ZNF655: variants seen among roughly 807,000 people sequenced by gnomAD.
The protein encoded by ZNF655 is Vav-interacting Kruppel-like protein 1.
In ZNF655, 3 loss-of-function variants were observed where a neutral mutation model predicts 6.6. That is an observed-to-expected ratio of 0.46 (90% CI 0.21 to 1.18). The LOEUF is 1.18. Ranked by LOEUF, ZNF655 falls within the 50% of genes most tolerant of loss-of-function variation. The pLI is 0.24. For synonymous variants in ZNF655, 178 were observed against 195.0 expected (o/e 0.91, Z 0.73); for missense variants, 526 against 572.3 (o/e 0.92, Z 0.83).
intron 2 of ZNF655, chr7:99,563,072 A>C (rs1487986712): frequency 2.9e-6 from 1 of 339,768 alleles, no homozygotes; most frequent in South Asian, 2.2e-5. Flanking sequence ...TCAGTGAGTC[A>C]CCCAGAATGG....
intron 2 of ZNF655, 139 bp downstream of exon 2, chr7:99,560,834 A>G: frequency 9.4e-7 from 1 of 1,063,036 alleles, no homozygotes; most frequent in Non-Finnish European, 1.3e-6. Context: ...AAGAGGGGGC[A>G]GATGTGACTC....
intron 2 of ZNF655, chr7:99,560,915 C>T (rs1291766207): frequency 9.6e-6 from 4 of 415,776 alleles, no homozygotes; most frequent in Admixed American, 4.4e-5. Flanking sequence ...GTGATGGCTG[C>T]TTACTCGCTG....
chr7:99,563,172 C>G (rs1562932681), intron 2 of ZNF655: 1 of 455,368 alleles, frequency 2.2e-6, no homozygotes. Flanking sequence ...ATGTCTCTCC[C>G]TTGTCATTTT....
At chr7:99,563,893 T>A (rs765233399) in intron 2 of ZNF655, 65 of 1,612,988 alleles carry the variant, frequency 4.0e-5, no homozygotes, top group Admixed American at 8.4e-5. Flanking sequence ...ACCACCCGGA[T>A]TCATAGTGTG....
At chr7:99,570,848 T>C (rs1270955703) in intron 2 of ZNF655, 3 of 153,238 alleles carry the variant, frequency 2.0e-5, no homozygotes, top group Non-Finnish European at 4.4e-5. Flanking sequence ...AACTGCCCTT[T>C]GATACTAATA....
chr7:99,572,696 C>G lies in ZNF655; in HGVS notation c.588C>G (p.Leu196=), dbSNP rs1322006015. 2.5e-6 allele frequency: 4 copies of G among 1,613,400 alleles called. No individual in the cohort carries two copies. The highest frequency in any genetic ancestry group is 3.4e-6 in the Non-Finnish European group (4 of 1,179,950). ...SSECKESLMD[L]SHLNKWESIP... is the part of the protein sequence containing the mutation. ...AATGTAAGGAAAGCTTAATGGATCT[C>G]TCCCACCTTAATAAATGGGAGAGCA... Residue 196 remains leucine (L), a synonymous_variant, in exon 3 of 3, where the codon CTC becomes CTG. Transcript: ENST00000252713.
At position 99,576,042 on chromosome 7, in the gene ZNF655, C is replaced by A. The variant is rs570483991; in HGVS notation, c.*2458C>A. The A allele has an allele frequency of 2.6e-5, 4 of 152,252 alleles. No homozygotes were observed. In the South Asian group the frequency reaches 8.3e-4, roughly 32 times the overall value. 9.4% of individuals were successfully genotyped at this position (152,252 alleles called of 1,614,324 possible). A position where few individuals can be genotyped will look rare whatever the true frequency, so the allele number is the denominator to read the frequency against. On this transcript the variant is annotated 3_prime_UTR_variant, in exon 3 of 3. Coordinates refer to ENST00000252713, the MANE Select transcript of ZNF655 (RefSeq NM_138494.3). ...CTTGTTGTCAGTCCAGCAATTGAGG[C>A]TTTCATAGTTCAGTGTTATAATATT... is the stretch of plus-strand genomic sequence containing the variant.
intron 2 of ZNF655, chr7:99,571,783 G>A (rs777557473): frequency 1.3e-5 from 21 of 1,598,702 alleles, no homozygotes; most frequent in Non-Finnish European, 1.8e-5. Flanking sequence ...CTTAAGAGAT[G>A]ACTGCTCAGG....
At chr7:99,562,298 G>A (rs775616002) in intron 2 of ZNF655, 2 of 1,589,508 alleles carry the variant, frequency 1.3e-6, no homozygotes, top group Middle Eastern at 1.7e-4. Flanking sequence ...CCCTCTCTAT[G>A]ATCTTCATTC....
In ZNF655 at chr7:99,573,516, G is replaced by C. The variant is rs748855377; in HGVS notation, c.1408G>C (p.Glu470Gln). 5.0e-6 allele frequency: 8 copies of C among 1,611,508 alleles called. No individual in the cohort carries two copies. The highest frequency in any genetic ancestry group is 6.8e-6 in the Non-Finnish European group (8 of 1,179,976). The change falls in exon 3 of 3, where the codon GAA becomes CAA. Residue 470 changes from glutamate to glutamine, a missense_variant. Coordinates refer to ENST00000252713, the MANE Select transcript of ZNF655 (RefSeq NM_138494.3). ...GAAAGCCTTTGATTGTGATGTATGG[G>C]AAAAGAACTCCAGTCAGAGAGCACA... is the stretch of plus-strand genomic sequence containing the variant. ...RQKAFDCDVWEKNSSQRAHLV... is the reference protein window; with the variant it reads ...RQKAFDCDVWQKNSSQRAHLV...
intron 2 of ZNF655, chr7:99,564,063 A>G (rs1433515958): frequency 5.0e-6 from 8 of 1,595,018 alleles, no homozygotes; most frequent in Non-Finnish European, 6.8e-6. Flanking sequence ...ATTGTGAGAT[A>G]TTAAAATTGA....
Position 99,565,968 on chromosome 7 carries a change from A to G in ZNF655, c.136+5273A>G, listed in dbSNP as rs547509421. The stretch of plus-strand genomic sequence containing the variant: ...TATTGGGTACTATATATATGTATGT[A>G]TACACACACACACACATATGTATAT... On this transcript the variant is annotated intron_variant, in intron 2 of 2. Coordinates refer to ENST00000252713, the MANE Select transcript of ZNF655 (RefSeq NM_138494.3). 3.4e-5 allele frequency among the ~76,000 whole-genome samples: 4 copies of G among 118,790 alleles called. No individual in the cohort carries two copies. In the East Asian group the frequency reaches 6.5e-4, roughly 19 times the overall value. 77.9% of individuals were successfully genotyped at this position (118,790 alleles called of 152,430 possible). A position where few individuals can be genotyped will look rare whatever the true frequency, so the allele number is the denominator to read the frequency against.
chr7:99,571,656 T>C, intron 2 of ZNF655: 1 of 1,517,200 alleles, frequency 6.6e-7, no homozygotes, highest in South Asian at 1.2e-5. Flanking sequence ...TGGGGATACA[T>C]TGCCACATCC....
chr7:99,572,142 G>C (rs1804132849), intron 2 of ZNF655, 103 bp from the exon 3 acceptor site: 1 of 1,269,206 alleles, frequency 7.9e-7, no homozygotes, highest in Non-Finnish European at 1.1e-6. Flanking sequence ...AACTTTTCTT[G>C]TCCTTGTAGA....
In ZNF655 at chr7:99,560,587, G is replaced by T. The variant is rs1803057158; in HGVS notation, c.28G>T (p.Ala10Ser). The change falls in exon 2 of 3, where the codon GCA becomes TCA. Residue 10 changes from alanine (A) to serine (S), a missense_variant. Coordinates refer to ENST00000252713, the MANE Select transcript of ZNF655 (RefSeq NM_138494.3). MEEIPAQEA[A>S]GSPRVQFQSL... ...GGAGGAAATACCAGCCCAGGAAGCAGCAGGGTCACCAAGGGTCCAGTTTCA... is the reference window on the plus strand; with the variant it reads ...GGAGGAAATACCAGCCCAGGAAGCATCAGGGTCACCAAGGGTCCAGTTTCA... 8.7e-6 allele frequency: 14 copies of T among 1,614,092 alleles called. No homozygotes were observed. The highest frequency in any genetic ancestry group is 1.2e-5 in the Non-Finnish European group (14 of 1,180,040).
chr7:99,562,607 C>G (rs1259904541), intron 2 of ZNF655: 46 of 1,029,358 alleles, frequency 4.5e-5, no homozygotes, highest in Non-Finnish European at 5.7e-5. Context: ...GATTCCAGGA[C>G]TTAGAACCTC....
chr7:99,559,842 G>A (rs1045102053), intron 1 of ZNF655, among the ~76,000 whole-genome samples: 1 of 146,148 alleles, frequency 6.8e-6, no homozygotes, highest in Non-Finnish European at 1.5e-5. Flanking sequence ...TGTCCAGGAC[G>A]GTCTGGAACT....
At position 99,572,664 on chromosome 7, in the gene ZNF655, A is replaced by G. The variant is rs1397248689; in HGVS notation, c.556A>G (p.Ser186Gly). Residue 186 changes from serine to glycine, a missense_variant, in exon 3 of 3, where the codon AGT (serine) becomes GGT (glycine). Coordinates refer to ENST00000252713, the MANE Select transcript of ZNF655 (RefSeq NM_138494.3). ...CTTAAATCTAACAGAGGATTTTCAG[A>G]GTAGTGAATGTAAGGAAAGCTTAAT... is the stretch of plus-strand genomic sequence containing the variant. ...EHLNLTEDFQ[S>G]SECKESLMDL... 1 of 1,613,810 alleles carries G rather than the reference A, an allele frequency of 6.2e-7. No homozygotes were observed. Among genetic ancestry groups the G allele is most frequent in the East Asian group, 2.2e-5 (1 of 44,878 alleles).
chr7:99,562,535 C>A (rs1803278151), intron 2 of ZNF655: 2 of 1,589,728 alleles, frequency 1.3e-6, no homozygotes, highest in African/African-American at 1.4e-5. Flanking sequence ...ATTTGAATTT[C>A]TTTACTTTCT....
Sources: allele counts gnomAD v4.1 joint callset (sites outside exome capture counted in the v4.1 genomes callset), GRCh38; gene constraint gnomAD v4.1.1; transcripts MANE v1.5; gene names NCBI Gene and HGNC (gene_info 2026-07-23, HGNC 2026-07-21).